The following ACTR5 variants were observed in gnomAD, a reference collection of about 807,000 sequenced individuals.
ACTR5 encodes the protein actin-related protein 5.
In ACTR5, 43 loss-of-function variants were observed where a neutral mutation model predicts 61.2. That is an observed-to-expected ratio of 0.70 (90% CI 0.55 to 0.91). The LOEUF (loss-of-function observed/expected upper bound fraction) is 0.91. Ranked by LOEUF, ACTR5 falls within the 40% of genes least tolerant of loss-of-function variation. The pLI, the probability that ACTR5 is intolerant of heterozygous loss-of-function variation, is 0.00. For missense variants in ACTR5, 798 were observed against 782.2 expected, an observed-to-expected ratio of 1.02 and a Z score of -0.24; for synonymous variants, 333 against 310.5, an observed-to-expected ratio of 1.07 and a Z score of -0.76.
chr20:38,753,653 C>T (rs545445637), intron 3 of ACTR5, among the ~76,000 whole-genome samples: 2 of 152,126 alleles, frequency 1.3e-5, no homozygotes, highest in Admixed American at 1.3e-4. Context: ...TTTTAATCTA[C>T]CTATATCATT....
rs768668556 is a variant in ACTR5 at position 38,754,967 on chromosome 20, A to C, written c.786A>C (p.Lys262Asn). 1.2e-6 allele frequency: 2 copies of C among 1,613,670 alleles called. No homozygotes were observed. Among genetic ancestry groups the C allele is most frequent in the South Asian group, 2.2e-5 (2 of 90,916 alleles). Residue 262 changes from lysine to asparagine, a missense_variant, in exon 4 of 9, where the codon AAA becomes AAC. By Grantham distance (94) the Lys-to-Asn change is moderately conservative (BLOSUM62 0). Transcript: ENST00000243903. ...ATTGTTTCTTTGAAGAATTACACAA[A>C]TGGCGGTGTCCTGATTATTATGAGA... ...IAEDYVEELH[K>N]WRCPDYYENN...
At chr20:38,764,880 C>T (rs183996094) in intron 5 of ACTR5, among the ~76,000 whole-genome samples, 72 of 152,322 alleles carry the variant, frequency 4.7e-4, no homozygotes, top group African/African-American at 1.3e-3. Context: ...CTGTTGCCCA[C>T]GCTGGTCTCA....
In ACTR5 at chr20:38,754,939, A is replaced by C; in HGVS notation, c.776-18A>C. 6.2e-7 allele frequency: 1 copy of C among 1,612,254 alleles called. No homozygotes were observed. The highest frequency in any genetic ancestry group is 8.5e-7 in the Non-Finnish European group (1 of 1,178,716). On this transcript the variant is annotated intron_variant, in intron 3 of 8. Coordinates refer to ENST00000243903, the MANE Select transcript of ACTR5 (RefSeq NM_024855.4). ...ATAGTGTTTCCATTTCATAACTTTC[A>C]AAATTGTTTCTTTGAAGAATTACAC... is the stretch of plus-strand genomic sequence containing the variant.
At chr20:38,753,703 A>T (rs2084400427) in intron 3 of ACTR5, among the ~76,000 whole-genome samples, 1 of 152,170 alleles carries the variant, frequency 6.6e-6, no homozygotes, top group African/African-American at 2.4e-5. Flanking sequence ...ATGATTTTTA[A>T]AAAAAATCTA....
chr20:38,766,424 C>T (rs1302759172), intron 7 of ACTR5, 47 bp downstream of exon 7: 25 of 1,535,426 alleles, frequency 1.6e-5, no homozygotes, highest in Non-Finnish European at 2.2e-5. Context: ...GAACCATTTC[C>T]TTGGATTTTG....
intron 2 of ACTR5, 97 bp from the exon 3 acceptor site, chr20:38,752,034 C>A (rs1601193614): frequency 7.3e-7 from 1 of 1,378,380 alleles, no homozygotes; most frequent in Non-Finnish European, 9.9e-7. Context: ...TGGTCTGTTT[C>A]TTCTTTATCT....
rs2084486648 is a variant in ACTR5, at chr20:38,766,363, G to C, written c.1419G>C (p.Gln473His). ...AGGCTGGGATTGCAGAGACTCTTCAGTACATTCTGGACAGGTGAGACAGCG... is the reference window on the plus strand; with the variant it reads ...AGGCTGGGATTGCAGAGACTCTTCACTACATTCTGGACAGGTGAGACAGCG... ...EEQAGIAETLQYILDRYPKDI... is the reference protein window; with the variant it reads ...EEQAGIAETLHYILDRYPKDI... The change falls in exon 7 of 9, where the codon CAG becomes CAC. Residue 473 changes from glutamine (Q) to histidine (H), a missense_variant. Gln to His is a conservative substitution (Grantham distance 24). Coordinates refer to ENST00000243903, the MANE Select transcript of ACTR5 (RefSeq NM_024855.4). 6.2e-7 allele frequency: 1 copy of C among 1,606,794 alleles called. No homozygotes were observed. The highest frequency in any genetic ancestry group is 8.5e-7 in the Non-Finnish European group (1 of 1,178,132).
intron 8 of ACTR5, among the ~76,000 whole-genome samples, chr20:38,770,605 T>G (rs1319742516): frequency 6.6e-6 from 1 of 152,246 alleles, no homozygotes; most frequent in East Asian, 1.9e-4. Context: ...TTGCTGCATT[T>G]TTTATTAGTA....
In ACTR5 at chr20:38,749,820, A is replaced by T. The variant is rs114333264; in HGVS notation, c.376-190A>T. ...GTTTGGATGGGACCTTGACTTAATA[A>T]CTTAAATTGACTCTACTTTCGTATT... is the stretch of plus-strand genomic sequence containing the variant. On this transcript the variant is annotated intron_variant, in intron 1 of 8. Transcript: ENST00000243903. Among the ~76,000 whole-genome samples, 571 of 152,314 alleles carry T rather than the reference A, an allele frequency of 3.7e-3. 7 individuals are homozygous for T. Among genetic ancestry groups the T allele is most frequent in the African/African-American group, 0.013 (550 of 41,574 alleles).
intron 6 of ACTR5, 114 bp from the exon 7 acceptor site, chr20:38,766,124 G>A (rs1485946613): frequency 2.8e-5 from 33 of 1,173,766 alleles, no homozygotes; most frequent in Non-Finnish European, 4.0e-5. Flanking sequence ...AGCTATACTG[G>A]CATTAACAAG....
intron 3 of ACTR5, among the ~76,000 whole-genome samples, chr20:38,754,040 A>G (rs935843387): frequency 1.3e-5 from 2 of 152,174 alleles, no homozygotes; most frequent in Non-Finnish European, 2.9e-5. Flanking sequence ...TTAGCAATGT[A>G]CAGACTCCTT....
At chr20:38,763,447 C>T (rs1290177829) in intron 5 of ACTR5, among the ~76,000 whole-genome samples, 5 of 152,188 alleles carry the variant, frequency 3.3e-5, no homozygotes, top group African/African-American at 4.8e-5. Context: ...CTGTCATTGC[C>T]TCAGCTGGTC....
At chr20:38,753,537 G>C (rs2084399352) in intron 3 of ACTR5, among the ~76,000 whole-genome samples, 1 of 152,084 alleles carries the variant, frequency 6.6e-6, no homozygotes, top group African/African-American at 2.4e-5. Flanking sequence ...AAGATTGCCT[G>C]GGCTTGGGAT....
rs1218237558 is a variant in ACTR5, at chr20:38,771,845, A to G, written c.*29A>G. The G allele has an allele frequency of 2.5e-6, 4 of 1,594,232 alleles. No individual in the cohort carries two copies. Among genetic ancestry groups the G allele is most frequent in the Middle Eastern group, 1.7e-4 (1 of 5,964 alleles). ...AGGCCCTCCAGAGAGACTGCCCTGC[A>G]CGCCATGCCTTGGGCCACGTTGGCA... On this transcript the variant is annotated 3_prime_UTR_variant, in exon 9 of 9. Coordinates refer to ENST00000243903, the MANE Select transcript of ACTR5 (RefSeq NM_024855.4).
chr20:38,749,295 A>G (rs1465140468), intron 1 of ACTR5, among the ~76,000 whole-genome samples: 2 of 152,212 alleles, frequency 1.3e-5, no homozygotes, highest in Non-Finnish European at 2.9e-5. Flanking sequence ...TGGTCAGGGT[A>G]GGACTCGTGA....
At chr20:38,750,813 G>A (rs2145663132) in intron 2 of ACTR5, among the ~76,000 whole-genome samples, 1 of 152,000 alleles carries the variant, frequency 6.6e-6, no homozygotes, top group Admixed American at 6.6e-5. Flanking sequence ...TATATTTTTA[G>A]TGAGACAGGG....
At chr20:38,767,067 C>T (rs573972043) in intron 7 of ACTR5, among the ~76,000 whole-genome samples, 3 of 152,246 alleles carry the variant, frequency 2.0e-5, no homozygotes, top group East Asian at 1.9e-4. Context: ...TAGATGGGCC[C>T]TCAAAAGGGA....
chr20:38,764,540 A>G (rs2084473896), intron 5 of ACTR5, among the ~76,000 whole-genome samples: 1 of 152,218 alleles, frequency 6.6e-6, no homozygotes, highest in Non-Finnish European at 1.5e-5. Context: ...TTGTGGTCAT[A>G]GAGGGAACTT....
rs745689083 is a variant in ACTR5, at chr20:38,750,012, C to T, written c.378C>T (p.Gly126=). 35 of 1,612,936 alleles carry T rather than the reference C, an allele frequency of 2.2e-5. No individual in the cohort carries two copies. Among genetic ancestry groups the T allele is most frequent in the Non-Finnish European group, 2.7e-5 (32 of 1,179,074 alleles). Residue 126 remains glycine, a splice_region_variant and synonymous_variant, in exon 2 of 9, where the codon GGC becomes GGT. Transcript: ENST00000243903. ...SFQHLGVSSQ[G]CVDHPIVLTE... is the part of the protein sequence containing the mutation. Reference sequence around the variant, plus strand: ...TTTGCCCTTTTCTTTCAAAGTAGGGCTGTGTTGATCATCCCATAGTTTTGA... The same window carrying T: ...TTTGCCCTTTTCTTTCAAAGTAGGGTTGTGTTGATCATCCCATAGTTTTGA...
Sources: allele counts gnomAD v4.1 joint callset (sites outside exome capture counted in the v4.1 genomes callset), GRCh38; gene constraint gnomAD v4.1.1; transcripts MANE v1.5; gene names NCBI Gene and HGNC (gene_info 2026-07-23, HGNC 2026-07-21).